Variants in DENND1A observed in about 807,000 individuals in gnomAD.
The protein encoded by DENND1A is DENN domain-containing protein 1A.
Under a neutral mutation model 113.7 loss-of-function variants are expected in DENND1A, and 51 were observed. The observed-to-expected ratio is 0.45, with a 90% confidence interval of 0.36 to 0.57. DENND1A has a LOEUF of 0.57. DENND1A is among the 20% of genes least tolerant of loss of function. The pLI is 0.00. For synonymous variants in DENND1A, 565 were observed against 570.8 expected (o/e 0.99, Z 0.14); for missense variants, 1,258 against 1,395.9 (o/e 0.90, Z 1.57).
Position 123,630,477 on chromosome 9 carries a change from C to G in DENND1A, c.619-1G>C. On this transcript the variant is annotated splice_acceptor_variant, in intron 9 of 23. Transcript: ENST00000394215. LOFTEE classifies it high-confidence loss of function. ...CAGACCCGTGGATGCAGGCAGTCAG[C>G]TGGAACAGAGCAAAGCAGAGATCAA... The G allele has an allele frequency of 6.3e-7, 1 of 1,575,678 alleles. No individual in the cohort carries two copies.
intron 13 of DENND1A, among the ~76,000 whole-genome samples, chr9:123,529,910 TATTTTACCTCGGGAAAAATCCA>T (rs1302509807): frequency 6.6e-6 from 1 of 152,244 alleles, no homozygotes; most frequent in Non-Finnish European, 1.5e-5. Context: ...TCTTACTAGC[TATTTTACCTCGGGAAAAATCCA>T]ATCTGAAATT....
At chr9:123,524,323 T>C (rs2054631556) in intron 13 of DENND1A, among the ~76,000 whole-genome samples, 1 of 152,184 alleles carries the variant, frequency 6.6e-6, no homozygotes, top group Non-Finnish European at 1.5e-5. Context: ...AATAAAAGGA[T>C]TCAAAACCTC....
intron 8 of DENND1A, among the ~76,000 whole-genome samples, chr9:123,654,098 A>G (rs2062810421): frequency 6.6e-6 from 1 of 152,168 alleles, no homozygotes. Context: ...GGAGTCAACC[A>G]GTGTATCTTG....
At chr9:123,652,162 C>A (rs1277295522) in intron 8 of DENND1A, 39 bp from the exon 9 acceptor site, 10 of 1,540,844 alleles carry the variant, frequency 6.5e-6, no homozygotes, top group Non-Finnish European at 9.0e-6. Flanking sequence ...GGCTGATTTT[C>A]TTTGTTCTTA....
chr9:123,580,479 G>A (rs2058835924), intron 12 of DENND1A, among the ~76,000 whole-genome samples: 1 of 152,224 alleles, frequency 6.6e-6, no homozygotes, highest in Non-Finnish European at 1.5e-5. Flanking sequence ...GCTGCTCAGT[G>A]CCAGCACAGG....
At chr9:123,686,909 T>TC (rs916505096) in intron 5 of DENND1A, among the ~76,000 whole-genome samples, 1 of 152,206 alleles carries the variant, frequency 6.6e-6, no homozygotes, top group African/African-American at 2.4e-5. Context: ...TAAGTTCATT[T>TC]CCACCCCAGA....
chr9:123,730,886 G>C (rs1217099077), intron 5 of DENND1A, among the ~76,000 whole-genome samples: 1 of 152,098 alleles, frequency 6.6e-6, no homozygotes, highest in Non-Finnish European at 1.5e-5. Context: ...ACTGGATAAA[G>C]AAAATGTGGC....
At chr9:123,745,706 C>T (rs1326898094) in intron 5 of DENND1A, among the ~76,000 whole-genome samples, 5 of 152,190 alleles carry the variant, frequency 3.3e-5, no homozygotes, top group African/African-American at 4.8e-5. Context: ...AAAAGTCACA[C>T]GCTAGAAACA....
At chr9:123,535,689 T>A (rs1033633156) in intron 13 of DENND1A, among the ~76,000 whole-genome samples, 1 of 152,236 alleles carries the variant, frequency 6.6e-6, no homozygotes, top group Admixed American at 6.5e-5. Flanking sequence ...TGACTTCTCA[T>A]CACTCAGGTT....
chr9:123,461,823 C>T (rs1006398344), intron 13 of DENND1A: 2 of 147,484 alleles, frequency 1.4e-5, no homozygotes, highest in African/African-American at 5.1e-5. Flanking sequence ...GGAAATGTGA[C>T]AAGGGGCTTT....
intron 19 of DENND1A, among the ~76,000 whole-genome samples, chr9:123,417,904 G>A (rs2044876621): frequency 6.6e-6 from 1 of 151,964 alleles, no homozygotes; most frequent in Non-Finnish European, 1.5e-5. Flanking sequence ...GGCAGTGGTA[G>A]GGAGTGCAGG....
chr9:123,741,249 T>C (rs970511215), intron 5 of DENND1A, among the ~76,000 whole-genome samples: 1 of 152,166 alleles, frequency 6.6e-6, no homozygotes, highest in African/African-American at 2.4e-5. Context: ...TTCAACGGCA[T>C]ACCTGGAAAT....
chr9:123,674,645 T>A (rs546258180), intron 6 of DENND1A, among the ~76,000 whole-genome samples: 1 of 152,222 alleles, frequency 6.6e-6, no homozygotes, highest in Admixed American at 6.5e-5. Context: ...AACTAAAACA[T>A]GTTACTGATC....
At chr9:123,915,822 C>A (rs887322418) in intron 1 of DENND1A, among the ~76,000 whole-genome samples, 11 of 152,008 alleles carry the variant, frequency 7.2e-5, no homozygotes, top group African/African-American at 2.7e-4. Context: ...GTATTTGATT[C>A]GTGACCATAT....
chr9:123,628,079 G>C (rs2061320005), intron 10 of DENND1A, among the ~76,000 whole-genome samples: 1 of 151,998 alleles, frequency 6.6e-6, no homozygotes, highest in Admixed American at 6.5e-5. Context: ...AGGGACTCAG[G>C]CGTCCTCCTC....
At chr9:123,739,525 C>G (rs2068825883) in intron 5 of DENND1A, among the ~76,000 whole-genome samples, 1 of 152,106 alleles carries the variant, frequency 6.6e-6, no homozygotes, top group Non-Finnish European at 1.5e-5. Flanking sequence ...CGGTAACCAA[C>G]AGAAAAATCT....
chr9:123,857,990 C>T (rs1196112198), intron 2 of DENND1A, among the ~76,000 whole-genome samples: 2 of 147,552 alleles, frequency 1.4e-5, no homozygotes, highest in East Asian at 2.0e-4. Context: ...ACCCGGGAGG[C>T]GGAGCTTGCA....
At chr9:123,722,771 A>G (rs774026124) in intron 5 of DENND1A, among the ~76,000 whole-genome samples, 32 of 152,364 alleles carry the variant, frequency 2.1e-4, no homozygotes, top group Non-Finnish European at 3.8e-4. Flanking sequence ...GTATGTATGG[A>G]AATACCTGGA....
chr9:123,858,058 CAAAAAAA>C (rs1230079039), intron 2 of DENND1A, among the ~76,000 whole-genome samples: 5 of 51,086 alleles, frequency 9.8e-5, no homozygotes, highest in South Asian at 1.4e-3. Flanking sequence ...GACTCCGTCT[CAAAAAAA>C]AAAAAAAAAA....
Sources: gnomAD v4.1 joint callset for allele counts (sites outside exome capture counted in the v4.1 genomes callset) on GRCh38, gnomAD v4.1.1 for gene constraint, MANE v1.5 for transcripts, NCBI Gene and HGNC (gene_info 2026-07-23, HGNC 2026-07-21) for gene names.